Variants in JMJD1C observed in about 807,000 individuals in gnomAD.
JMJD1C encodes jumonji domain-containing protein 1C.
In JMJD1C, 31 loss-of-function variants were observed where a neutral mutation model predicts 245.3. The observed-to-expected ratio is 0.13, with a 90% CI of 0.09 to 0.17. JMJD1C has a LOEUF of 0.17. Ranked by LOEUF, JMJD1C falls within the 10% of genes least tolerant of loss-of-function variation. The probability of loss-of-function intolerance (pLI) is 1.00; values close to 1 mark genes in which losing one functional copy is unlikely to be tolerated. For missense variants in JMJD1C, 2,691 were observed against 3,000.2 expected (o/e 0.90, Z 2.41); for synonymous variants, 1,057 against 1,017.4 (o/e 1.04, Z -0.74).
intron 3 of JMJD1C, among the ~76,000 whole-genome samples, chr10:63,257,242 A>AG (rs1304237179): frequency 6.6e-6 from 1 of 151,202 alleles, no homozygotes; most frequent in East Asian, 1.9e-4. Context: ...AAAAAAAAAA[A>AG]AAGAAAGAAA....
At chr10:63,445,870 T>A (rs907215274) in intron 1 of JMJD1C, among the ~76,000 whole-genome samples, 3 of 131,660 alleles carry the variant, frequency 2.3e-5, no homozygotes, top group Admixed American at 7.5e-5. Flanking sequence ...GAATTTTTTT[T>A]TTTTTTTTTT....
chr10:63,171,531 T>C (rs1842358441), intron 24 of JMJD1C, among the ~76,000 whole-genome samples: 1 of 152,216 alleles, frequency 6.6e-6, no homozygotes, highest in African/African-American at 2.4e-5. Flanking sequence ...CTGCTGGCCC[T>C]TGTCATGCAG....
intron 1 of JMJD1C, among the ~76,000 whole-genome samples, chr10:63,474,243 T>C (rs530549219): frequency 3.3e-5 from 5 of 152,158 alleles, no homozygotes; most frequent in Admixed American, 3.3e-4. Context: ...ACTAAGGATA[T>C]AGAAATATGG....
intron 2 of JMJD1C, among the ~76,000 whole-genome samples, chr10:63,305,782 G>A (rs1938128187): frequency 6.6e-6 from 1 of 152,018 alleles, no homozygotes; most frequent in African/African-American, 2.4e-5. Context: ...TATTTCTTCT[G>A]TGTGCAGTGG....
At chr10:63,393,821 A>G (rs1052530679) in intron 1 of JMJD1C, among the ~76,000 whole-genome samples, 1 of 152,208 alleles carries the variant, frequency 6.6e-6, no homozygotes, top group Non-Finnish European at 1.5e-5. Context: ...GAATTGCTAA[A>G]TAATTTTGAA....
chr10:63,336,631 C>A (rs998408484), intron 2 of JMJD1C, among the ~76,000 whole-genome samples: 5 of 151,912 alleles, frequency 3.3e-5, no homozygotes, highest in Non-Finnish European at 5.9e-5. Context: ...AAACAAAGGA[C>A]AAATATTATA....
chr10:63,176,232 AT>A lies in JMJD1C; in HGVS notation c.7401+64del, dbSNP rs145453472. 148 of 1,217,132 alleles carry A rather than the reference AT, an allele frequency of 1.2e-4. 1 individual carries two copies. The highest frequency in any genetic ancestry group is 2.8e-4 in the South Asian group (16 of 57,302). The allele number at this position is 1,217,132 out of a possible 1,614,324, so 75.4% of individuals were successfully genotyped here. A position where few individuals can be genotyped will look rare whatever the true frequency, so the allele number is the denominator to read the frequency against. On this transcript the variant is annotated intron_variant, in intron 24 of 25. Transcript: ENST00000399262. ...TCCATTTATATCTATACTAAGAGCAATTTTTTTTTCAAAACTAGTTCTTTCA... is the reference window on the plus strand; with the variant it reads ...TCCATTTATATCTATACTAAGAGCAATTTTTTTTCAAAACTAGTTCTTTCA...
intron 1 of JMJD1C, among the ~76,000 whole-genome samples, chr10:63,391,875 C>T (rs1948086098): frequency 6.6e-6 from 1 of 152,188 alleles, no homozygotes; most frequent in South Asian, 2.1e-4. Context: ...GAAGGAATCA[C>T]ACTACACTAC....
Position 63,168,081 on chromosome 10 carries a change from T to C in JMJD1C, c.7587A>G (p.Ile2529Met), listed in dbSNP as rs368071662. 1.1e-5 allele frequency: 18 copies of C among 1,605,978 alleles called. No individual in the cohort carries two copies. The highest frequency in any genetic ancestry group is 2.2e-5 in the East Asian group (1 of 44,774). ...AVKEMVRALK[I>M]HEDEVEDMEE... The stretch of plus-strand genomic sequence containing the variant: ...CCATATCCTCTACTTCATCCTCGTG[T>C]ATCTTCAAGGCTCTCACCATTTCTT... The change falls in exon 26 of 26, where the codon ATA becomes ATG. Residue 2529 changes from isoleucine (I) to methionine (M), a missense_variant. Ile to Met is a conservative substitution (Grantham distance 10). Around this residue, in one of 9 missense-constraint regions of JMJD1C, gnomAD observed 27 missense variants for 18.4 expected, o/e 1.47. Coordinates refer to ENST00000399262, the MANE Select transcript of JMJD1C (RefSeq NM_032776.3).
At chr10:63,506,753 G>C (rs1288728492) in intron 1 of JMJD1C, among the ~76,000 whole-genome samples, 1 of 152,096 alleles carries the variant, frequency 6.6e-6, no homozygotes, top group African/African-American at 2.4e-5. Context: ...TACCATCAAT[G>C]AACCTACAGT....
At chr10:63,422,326 C>T (rs1370621566) in intron 1 of JMJD1C, among the ~76,000 whole-genome samples, 6 of 152,214 alleles carry the variant, frequency 3.9e-5, no homozygotes, top group African/African-American at 4.8e-5. Flanking sequence ...GCAGGAGAAT[C>T]GCTTGAACCC....
chr10:63,422,364 GCAC>G (rs1373549681), intron 1 of JMJD1C, among the ~76,000 whole-genome samples: 1 of 152,034 alleles, frequency 6.6e-6, no homozygotes, highest in Non-Finnish European at 1.5e-5. Flanking sequence ...TGAGCCAACT[GCAC>G]TCCAGCCTGG....
chr10:63,335,368 A>G (rs1327196288), intron 2 of JMJD1C, among the ~76,000 whole-genome samples: 2 of 152,220 alleles, frequency 1.3e-5, no homozygotes, highest in Non-Finnish European at 2.9e-5. Context: ...CCATATGTTG[A>G]GAATATAAAG....
At chr10:63,310,496 A>G (rs1183544462) in intron 2 of JMJD1C, among the ~76,000 whole-genome samples, 1 of 152,244 alleles carries the variant, frequency 6.6e-6, no homozygotes, top group South Asian at 2.1e-4. Flanking sequence ...GATGCTACTT[A>G]AAGAGGTGGT....
chr10:63,326,232 C>T (rs968076248), intron 2 of JMJD1C, among the ~76,000 whole-genome samples: 1 of 152,004 alleles, frequency 6.6e-6, no homozygotes, highest in Non-Finnish European at 1.5e-5. Flanking sequence ...CGGTGGCTCA[C>T]GCCTGTAATC....
At chr10:63,267,175 GATAA>G (rs563179147) in intron 2 of JMJD1C, among the ~76,000 whole-genome samples, 34 of 152,178 alleles carry the variant, frequency 2.2e-4, no homozygotes, top group Admixed American at 4.6e-4. Context: ...AAAAAGTGCT[GATAA>G]ATACTTTTAT....
At chr10:63,466,137 A>AAAGGCG, upstream of JMJD1C, 1 of 141,842 alleles carries the variant, frequency 7.1e-6, no homozygotes, top group Middle Eastern at 2.5e-3. Flanking sequence ...GTCCAGATCC[A>AAAGGCG]GAGGCGGCGG....
intron 1 of JMJD1C, among the ~76,000 whole-genome samples, chr10:63,451,686 T>C (rs1952078646): frequency 6.6e-6 from 1 of 152,180 alleles, no homozygotes. Flanking sequence ...TTAAGGCTGA[T>C]AAAGCACTTG....
intron 17 of JMJD1C, among the ~76,000 whole-genome samples, chr10:63,190,099 T>C (rs1439626209): frequency 1.3e-5 from 2 of 151,780 alleles, no homozygotes; most frequent in African/African-American, 2.4e-5. Flanking sequence ...GGTTTCACCA[T>C]GTTGTTGGCC....
Sources: allele counts gnomAD v4.1 joint callset (sites outside exome capture counted in the v4.1 genomes callset), GRCh38; gene constraint gnomAD v4.1.1; regional missense constraint gnomAD v4.1.1; transcripts MANE v1.5; gene names NCBI Gene and HGNC (gene_info 2026-07-23, HGNC 2026-07-21).